Variants in RANBP2 observed in about 807,000 individuals in gnomAD.
RANBP2 encodes E3 SUMO-protein ligase RanBP2.
Under a neutral mutation model 303.6 loss-of-function variants are expected in RANBP2, and 57 were observed. The observed-to-expected ratio is 0.19, with a 90% CI of 0.15 to 0.23. The LOEUF (loss-of-function observed/expected upper bound fraction) is 0.23. RANBP2 is among the 10% of genes least tolerant of loss of function. The pLI is 1.00. For missense variants in RANBP2, 3,138 were observed against 3,780.8 expected, an observed-to-expected ratio of 0.83 and a Z score of 4.46; for synonymous variants, 1,167 against 1,301.5, an observed-to-expected ratio of 0.90 and a Z score of 2.23.
the RANBP2 span, among the ~76,000 whole-genome samples, chr2:109,537,310 C>T: frequency 9.2e-5 from 14 of 152,174 alleles, no homozygotes; most frequent in East Asian, 7.7e-4. Context: ...ATGGGGATGA[C>T]GATGATTTTC....
chr2:108,871,462 G>T, the RANBP2 span, among the ~76,000 whole-genome samples: 1 of 151,176 alleles, frequency 6.6e-6, no homozygotes, highest in Non-Finnish European at 1.5e-5. Flanking sequence ...CAAGGCAGGA[G>T]AATCCCTTGA....
At chr2:109,086,019 C>T in the RANBP2 span, among the ~76,000 whole-genome samples, 3 of 152,252 alleles carry the variant, frequency 2.0e-5, no homozygotes, top group African/African-American at 7.2e-5. Context: ...TTAGTGGAAT[C>T]ATACCATATT....
At chr2:109,664,980 A>T in the RANBP2 span, among the ~76,000 whole-genome samples, 1 of 152,064 alleles carries the variant, frequency 6.6e-6, no homozygotes, top group Non-Finnish European at 1.5e-5. Context: ...ACAACAAAAA[A>T]ACTCAATGCA....
the RANBP2 span, among the ~76,000 whole-genome samples, chr2:109,449,871 G>C: frequency 1.5e-4 from 23 of 152,148 alleles, no homozygotes; most frequent in African/African-American, 5.6e-4. Flanking sequence ...ACAAATCTAC[G>C]TGTGCAGTGT....
chr2:108,968,633 T>A, the RANBP2 span, among the ~76,000 whole-genome samples: 1 of 152,338 alleles, frequency 6.6e-6, no homozygotes, highest in African/African-American at 2.4e-5. Flanking sequence ...TCTTCCTAGC[T>A]ACCAGGGAAG....
intron 24 of RANBP2, among the ~76,000 whole-genome samples, chr2:108,776,179 A>G (rs1379766099): frequency 6.6e-6 from 1 of 152,010 alleles, no homozygotes; most frequent in Non-Finnish European, 1.5e-5. Context: ...ATTCTGACCT[A>G]TTTTCCTGAG....
the RANBP2 span, among the ~76,000 whole-genome samples, chr2:109,168,463 G>A: frequency 6.6e-6 from 1 of 152,168 alleles, no homozygotes; most frequent in Admixed American, 6.5e-5. Context: ...GCAGGAGGGA[G>A]AGGGCAAGAT....
At chr2:109,743,811 T>C in the RANBP2 span, among the ~76,000 whole-genome samples, 13 of 92,314 alleles carry the variant, frequency 1.4e-4, 3 homozygotes, top group African/African-American at 3.3e-4. Context: ...CCAGTGTCTA[T>C]TGCCATCTTT....
the RANBP2 span, among the ~76,000 whole-genome samples, chr2:109,389,598 A>G: frequency 1.1e-4 from 17 of 152,256 alleles, 1 homozygote; most frequent in Admixed American, 6.5e-5. Flanking sequence ...GGTAGGGTGC[A>G]TGCCACTCTG....
At chr2:108,735,868 A>G in intron 5 of RANBP2, 106 bp downstream of exon 5, 1 of 1,582,366 alleles carries the variant, frequency 6.3e-7, no homozygotes, top group South Asian at 1.1e-5. Context: ...TCTTTTATTT[A>G]TGTAGAACAG....
intron 9 of RANBP2, among the ~76,000 whole-genome samples, chr2:108,749,947 C>G (rs1724197): frequency 0.16 from 24,646 of 151,978 alleles, 2,088 homozygotes; most frequent in South Asian, 0.19. Context: ...ATCAGGAGTT[C>G]GAGACCATCC....
chr2:108,756,347 T>C (rs558995972), intron 17 of RANBP2, among the ~76,000 whole-genome samples: 58 of 152,232 alleles, frequency 3.8e-4, no homozygotes, highest in Non-Finnish European at 7.1e-4. Context: ...ATATATATCT[T>C]ATTTTAACAA....
chr2:109,656,045 T>G, the RANBP2 span, among the ~76,000 whole-genome samples: 50 of 152,298 alleles, frequency 3.3e-4, no homozygotes, highest in Non-Finnish European at 2.4e-4. Context: ...AAGTGATATC[T>G]CCACAAATCC....
chr2:109,493,576 A>G, the RANBP2 span, among the ~76,000 whole-genome samples: 1 of 149,576 alleles, frequency 6.7e-6, no homozygotes, highest in African/African-American at 2.5e-5. Flanking sequence ...CACACTGCAC[A>G]CACCCCACAC....
At chr2:108,770,691 G>A (rs957162882) in intron 20 of RANBP2, among the ~76,000 whole-genome samples, 11 of 152,074 alleles carry the variant, frequency 7.2e-5, no homozygotes, top group African/African-American at 2.7e-4. Flanking sequence ...CAGTTAAAAA[G>A]GGAAACAGAT....
the RANBP2 span, among the ~76,000 whole-genome samples, chr2:108,938,730 TATC>T: frequency 0.015 from 2,230 of 152,160 alleles, 26 homozygotes; most frequent in South Asian, 0.029. Context: ...TCAGAAAAGT[TATC>T]ATAACTAACA....
the RANBP2 span, among the ~76,000 whole-genome samples, chr2:109,254,710 T>C: frequency 6.6e-6 from 1 of 152,208 alleles, no homozygotes; most frequent in Non-Finnish European, 1.5e-5. Flanking sequence ...TGTCTCTTTC[T>C]GTGCCAGCCG....
At chr2:109,347,708 A>G in the RANBP2 span, 13 of 1,613,654 alleles carry the variant, frequency 8.1e-6, no homozygotes, top group South Asian at 1.1e-5. Flanking sequence ...AAGGCCCTCT[A>G]CAGCTACGAG....
chr2:109,154,679 G>A, the RANBP2 span, among the ~76,000 whole-genome samples: 4 of 152,198 alleles, frequency 2.6e-5, no homozygotes, highest in African/African-American at 9.7e-5. Context: ...GCTGGCCAGG[G>A]TTTGGACAAG....
Sources: gnomAD v4.1 joint callset for allele counts (sites outside exome capture counted in the v4.1 genomes callset) on GRCh38, gnomAD v4.1.1 for gene constraint, MANE v1.5 for transcripts, NCBI Gene and HGNC (gene_info 2026-07-23, HGNC 2026-07-21) for gene names.